Variants in MAP4K5 observed in about 807,000 individuals in gnomAD.
MAP4K5 encodes the protein MAPK/ERK kinase kinase kinase 5.
Under a neutral mutation model 135.6 loss-of-function variants are expected in MAP4K5, and 82 were observed. That is an observed-to-expected ratio of 0.60 (90% CI 0.51 to 0.73). The LOEUF (loss-of-function observed/expected upper bound fraction) is 0.73, where lower values mean the gene tolerates loss of function less well. Among genes scored for constraint, MAP4K5 ranks in the 30% least tolerant of loss-of-function variants. MAP4K5 has a pLI of 0.00. For missense variants in MAP4K5, 907 were observed against 1,010.9 expected (o/e 0.90, Z 1.39); for synonymous variants, 347 against 335.0 (o/e 1.04, Z -0.39).
At chr14:50,538,638 G>A (rs1379076100) in intron 2 of MAP4K5, among the ~76,000 whole-genome samples, 3 of 152,188 alleles carry the variant, frequency 2.0e-5, no homozygotes, top group Non-Finnish European at 4.4e-5. Flanking sequence ...AGCAGAAAAA[G>A]CTACAATGCT....
chr14:50,538,005 A>G (rs1174113327), intron 2 of MAP4K5, among the ~76,000 whole-genome samples: 2 of 152,184 alleles, frequency 1.3e-5, no homozygotes, highest in East Asian at 1.9e-4. Context: ...ACGTGAGGAC[A>G]TGAGATTTGG....
Position 50,438,018 on chromosome 14 carries a change from A to G in MAP4K5, c.1709-10T>C. 7.1e-7 allele frequency: 1 copy of G among 1,399,874 alleles called. No homozygotes were observed. Among genetic ancestry groups the G allele is most frequent in the South Asian group, 1.2e-5 (1 of 85,872 alleles). The allele number at this position is 1,399,874 out of a possible 1,614,324, so 86.7% of individuals were successfully genotyped here. On this transcript the variant is annotated splice_polypyrimidine_tract_variant and intron_variant, in intron 24 of 32. Transcript: ENST00000682126. Reference sequence around the variant, plus strand: ...AGCTGAAAGGTTTTTCCTATAAAAGAAAAACATGTTACCTTTTTGAGAATC... The same window carrying G: ...AGCTGAAAGGTTTTTCCTATAAAAGGAAAACATGTTACCTTTTTGAGAATC...
chr14:50,456,345 C>A, intron 14 of MAP4K5, 171 bp downstream of exon 14: 2 of 566,266 alleles, frequency 3.5e-6, no homozygotes, highest in Admixed American at 3.4e-5. Context: ...TCAGAAATTA[C>A]AAACCAAGGG....
intron 1 of MAP4K5, among the ~76,000 whole-genome samples, chr14:50,558,767 A>C (rs995801962): frequency 6.6e-6 from 1 of 152,172 alleles, no homozygotes; most frequent in Admixed American, 6.5e-5. Flanking sequence ...AGCAGACCAC[A>C]CTTCTCTTTT....
chr14:50,461,895 G>A (rs1226229073), intron 13 of MAP4K5, among the ~76,000 whole-genome samples: 1 of 151,234 alleles, frequency 6.6e-6, no homozygotes, highest in Non-Finnish European at 1.5e-5. Flanking sequence ...CTCCAACCTG[G>A]CGACAGAGCG....
chr14:50,466,398 A>C (rs2036834959), intron 11 of MAP4K5, among the ~76,000 whole-genome samples, 185 bp downstream of exon 11: 1 of 151,480 alleles, frequency 6.6e-6, no homozygotes. Flanking sequence ...AAAAAAAAAA[A>C]AAAAAAACTA....
chr14:50,488,388 T>A (rs988446654), intron 3 of MAP4K5, among the ~76,000 whole-genome samples: 28 of 152,152 alleles, frequency 1.8e-4, no homozygotes, highest in African/African-American at 6.8e-4. Flanking sequence ...CCTAACCATA[T>A]CAATATGTTA....
intron 20 of MAP4K5, among the ~76,000 whole-genome samples, chr14:50,443,311 G>C (rs189215466): frequency 6.6e-6 from 1 of 150,876 alleles, no homozygotes; most frequent in Non-Finnish European, 1.5e-5. Context: ...ATGGGATCAT[G>C]GGGTTCCCAT....
chr14:50,479,002 TTCG>T (rs1398626284), intron 6 of MAP4K5, among the ~76,000 whole-genome samples: 7 of 22,228 alleles, frequency 3.1e-4, no homozygotes, highest in South Asian at 4.2e-3. Flanking sequence ...TGTAGTTTTT[TTCG>T]TTTTTTTTTT....
chr14:50,450,210 G>C (rs1013674183), intron 14 of MAP4K5: 1 of 152,016 alleles, frequency 6.6e-6, no homozygotes, highest in Non-Finnish European at 1.5e-5. Context: ...GCCTCCCAAG[G>C]TGCTGGGATT....
intron 14 of MAP4K5, chr14:50,450,378 G>GT (rs2036456512): frequency 6.6e-6 from 1 of 152,150 alleles, no homozygotes; most frequent in East Asian, 1.9e-4. Context: ...CACAGACACC[G>GT]TAAGTCTGTG....
chr14:50,442,793 A>T lies in MAP4K5; in HGVS notation c.1503T>A (p.Val501=). ...TAATTTTCAAAGGACAGCCATCAAA[A>T]ACTTTTGAAAAGCATGCTCCCATCT... ...KVLMGACFSK[V]FDGCPLKINC... The change falls in exon 21 of 33, where the codon GTT becomes GTA. Residue 501 remains valine, a synonymous_variant. Coordinates refer to ENST00000682126, the MANE Select transcript of MAP4K5 (RefSeq NM_006575.6). 1.9e-6 allele frequency: 3 copies of T among 1,595,916 alleles called. No homozygotes were observed. Among genetic ancestry groups the T allele is most frequent in the Non-Finnish European group, 2.6e-6 (3 of 1,170,920 alleles).
At chr14:50,448,946 A>C in intron 14 of MAP4K5, 114 bp from the exon 15 acceptor site, 2 of 650,324 alleles carry the variant, frequency 3.1e-6, no homozygotes, top group South Asian at 1.9e-5. Context: ...AGGGGAAAGA[A>C]GACAAAAAAT....
chr14:50,545,471 A>G (rs1278167151), intron 1 of MAP4K5, among the ~76,000 whole-genome samples: 6 of 152,240 alleles, frequency 3.9e-5, no homozygotes, highest in South Asian at 4.1e-4. Context: ...GTGGGGTGAA[A>G]TAGTCCAACT....
At chr14:50,485,865 T>C in intron 4 of MAP4K5, 1 of 540,628 alleles carries the variant, frequency 1.8e-6, no homozygotes, top group Non-Finnish European at 3.2e-6. Context: ...GTTAAAACAC[T>C]TACTTGTAAT....
Position 50,485,521 on chromosome 14 carries a change from G to A in MAP4K5, c.322+57C>T, listed in dbSNP as rs1218332770. 35 of 1,122,768 alleles carry A rather than the reference G, an allele frequency of 3.1e-5. No homozygotes were observed. The East Asian group carries it at 7.8e-4, about 25-fold the overall frequency. 69.6% of individuals were successfully genotyped at this position (1,122,768 alleles called of 1,614,324 possible). A position where few individuals can be genotyped will look rare whatever the true frequency, so the allele number is the denominator to read the frequency against. Reference sequence around the variant, plus strand: ...ATTTCCGTGGTTAACTGGAAATATCGAACAACAATCATTAAAACCAAAGTC... The same window carrying A: ...ATTTCCGTGGTTAACTGGAAATATCAAACAACAATCATTAAAACCAAAGTC... On this transcript the variant is annotated intron_variant, in intron 5 of 32. Coordinates refer to ENST00000682126, the MANE Select transcript of MAP4K5 (RefSeq NM_006575.6).
At chr14:50,536,436 C>CAAAA (rs34686813), upstream of MAP4K5, among the ~76,000 whole-genome samples, 1 of 107,232 alleles carries the variant, frequency 9.3e-6, no homozygotes, top group East Asian at 2.8e-4. Flanking sequence ...AACTCTGTCT[C>CAAAA]AAAAAAAAAA....
intron 1 of MAP4K5, chr14:50,560,360 C>T (rs1054563688): frequency 2.5e-6 from 4 of 1,591,972 alleles, no homozygotes; most frequent in African/African-American, 1.3e-5. Context: ...CCACTTTCTG[C>T]TTCTGTGGAG....
At chr14:50,490,159 G>A (rs11844437) in intron 3 of MAP4K5, among the ~76,000 whole-genome samples, 187 of 137,850 alleles carry the variant, frequency 1.4e-3, no homozygotes, top group Middle Eastern at 3.5e-3. Flanking sequence ...GTGTGTGTGT[G>A]TAAGGGAACT....
Sources: allele counts gnomAD v4.1 joint callset (sites outside exome capture counted in the v4.1 genomes callset), GRCh38; gene constraint gnomAD v4.1.1; transcripts MANE v1.5; gene names NCBI Gene and HGNC (gene_info 2026-07-23, HGNC 2026-07-21).